Variants in TGFBRAP1 observed in about 807,000 individuals in gnomAD.
TGFBRAP1 encodes the protein transforming growth factor-beta receptor-associated protein 1.
Under a neutral mutation model 83.2 loss-of-function variants are expected in TGFBRAP1, and 20 were observed. The ratio of observed to expected loss-of-function variants is 0.24; its 90% confidence interval spans 0.17 to 0.35. TGFBRAP1 has a LOEUF of 0.35. Among genes scored for constraint, TGFBRAP1 ranks in the 10% least tolerant of loss-of-function variants. The pLI, the probability that TGFBRAP1 is intolerant of heterozygous loss-of-function variation, is 1.00. For synonymous variants in TGFBRAP1, 415 were observed against 459.8 expected (o/e 0.90, Z 1.25); for missense variants, 950 against 1,099.4 (o/e 0.86, Z 1.92).
downstream of TGFBRAP1, among the ~76,000 whole-genome samples, chr2:105,263,044 G>GAGTC (rs1676827067): frequency 6.6e-6 from 1 of 152,190 alleles, no homozygotes; most frequent in East Asian, 1.9e-4. Context: ...CCATTTAACT[G>GAGTC]AGTCAGACAC....
chr2:105,282,688 G>A (rs957843369), intron 5 of TGFBRAP1, among the ~76,000 whole-genome samples: 11 of 152,182 alleles, frequency 7.2e-5, no homozygotes, highest in East Asian at 1.9e-4. Context: ...GCCAGGTCCC[G>A]TGGTGGCATA....
At chr2:105,304,755 C>T (rs1414368072) in intron 2 of TGFBRAP1, among the ~76,000 whole-genome samples, 1 of 152,222 alleles carries the variant, frequency 6.6e-6, no homozygotes, top group Non-Finnish European at 1.5e-5. Flanking sequence ...TGCACTCCAG[C>T]CTGGGCGACA....
At chr2:105,316,760 G>T (rs575740067) in intron 1 of TGFBRAP1, among the ~76,000 whole-genome samples, 76 of 151,318 alleles carry the variant, frequency 5.0e-4, no homozygotes, top group African/African-American at 1.7e-3. Flanking sequence ...GTTGCAGTGA[G>T]CTGAGATTAT....
In TGFBRAP1 at chr2:105,279,228, C is replaced by T. The variant is rs183849968; in HGVS notation, c.1463+1154G>A. On this transcript the variant is annotated intron_variant, in intron 6 of 11. Coordinates refer to ENST00000393359, the MANE Select transcript of TGFBRAP1 (RefSeq NM_004257.6). Reference sequence around the variant, plus strand: ...CATTAACAGTCCATGATACATAAGGCCATCTACTAACTCATGCACATAAGG... The same window carrying T: ...CATTAACAGTCCATGATACATAAGGTCATCTACTAACTCATGCACATAAGG... 1.1e-4 allele frequency among the ~76,000 whole-genome samples: 17 copies of T among 152,236 alleles called. No individual in the cohort carries two copies. The East Asian group carries it at 3.3e-3, about 30-fold the overall frequency.
downstream of TGFBRAP1, among the ~76,000 whole-genome samples, chr2:105,263,643 C>T (rs968456462): frequency 2.0e-5 from 3 of 152,092 alleles, no homozygotes; most frequent in Non-Finnish European, 4.4e-5. Flanking sequence ...TTTAGGAGGC[C>T]AAGGCAGGTG....
downstream of TGFBRAP1, among the ~76,000 whole-genome samples, chr2:105,263,743 G>A (rs763216481): frequency 6.6e-6 from 1 of 152,030 alleles, no homozygotes; most frequent in Non-Finnish European, 1.5e-5. Context: ...AAATTAGCTG[G>A]GTGTGGTGGA....
chr2:105,307,585 G>A (rs1309440214), intron 2 of TGFBRAP1, 29 bp downstream of exon 2: 16 of 1,574,140 alleles, frequency 1.0e-5, no homozygotes, highest in Non-Finnish European at 1.3e-5. Context: ...CACCCAAAAA[G>A]ATCAGGCGCA....
rs1265557936 is a variant in TGFBRAP1 at position 105,273,694 on chromosome 2, A to T, written c.1666-4T>A. 1.9e-6 allele frequency: 3 copies of T among 1,613,956 alleles called. No individual in the cohort carries two copies. The highest frequency in any genetic ancestry group is 2.5e-6 in the Non-Finnish European group (3 of 1,179,942). On this transcript the variant is annotated splice_polypyrimidine_tract_variant and splice_region_variant and intron_variant, in intron 8 of 11. Coordinates refer to ENST00000393359, the MANE Select transcript of TGFBRAP1 (RefSeq NM_004257.6). ...TGGTGAAAACCTGAACTCCGACCTG[A>T]AAGAGGAGCGACAATACAGTGACTG...
At chr2:105,273,260 C>T (rs1573160499) in intron 9 of TGFBRAP1, among the ~76,000 whole-genome samples, 1 of 151,924 alleles carries the variant, frequency 6.6e-6, no homozygotes, top group East Asian at 1.9e-4. Flanking sequence ...AGATAACCTA[C>T]AAAAAGGTAT....
At chr2:105,320,453 T>C (rs777910406) in intron 1 of TGFBRAP1, among the ~76,000 whole-genome samples, 1 of 152,080 alleles carries the variant, frequency 6.6e-6, no homozygotes, top group African/African-American at 2.4e-5. Flanking sequence ...CAAGTGGTCA[T>C]TCTAACATTT....
chr2:105,258,159 G>A, the TGFBRAP1 span, among the ~76,000 whole-genome samples: 1 of 152,296 alleles, frequency 6.6e-6, no homozygotes, highest in East Asian at 1.9e-4. Context: ...CACTGCTGCT[G>A]AGGCTCTGCC....
Position 105,296,035 on chromosome 2 carries a change from T to C in TGFBRAP1, c.1038+321A>G, listed in dbSNP as rs183858513. 1.1e-3 allele frequency among the ~76,000 whole-genome samples: 160 copies of C among 152,300 alleles called. 1 individual carries two copies. Among genetic ancestry groups the C allele is most frequent in the African/African-American group, 3.6e-3 (150 of 41,564 alleles). On this transcript the variant is annotated intron_variant, in intron 4 of 11. Transcript: ENST00000393359. ...CTTTTGCTTTATAAGAACTATGTTA[T>C]TGATCCTTCTCTGAAGGTCCACGGA...
intron 1 of TGFBRAP1, among the ~76,000 whole-genome samples, chr2:105,310,686 T>A (rs533955226): frequency 1.3e-5 from 2 of 152,294 alleles, no homozygotes; most frequent in Admixed American, 1.3e-4. Flanking sequence ...AACAACATCA[T>A]GTATTTGTCC....
chr2:105,252,956 G>A, the TGFBRAP1 span, among the ~76,000 whole-genome samples: 6 of 151,648 alleles, frequency 4.0e-5, no homozygotes, highest in African/African-American at 9.7e-5. Context: ...GGGTTTCACC[G>A]TGTTAGCCAG....
chr2:105,264,771 A>C lies in TGFBRAP1; in HGVS notation c.*2612T>G, dbSNP rs1676865181. 1 of 152,256 alleles carries C rather than the reference A, an allele frequency of 6.6e-6. No individual in the cohort carries two copies. The highest frequency in any genetic ancestry group is 1.5e-5 in the Non-Finnish European group (1 of 68,046). 9.4% of individuals were successfully genotyped at this position (152,256 alleles called of 1,614,324 possible). On this transcript the variant is annotated 3_prime_UTR_variant, in exon 12 of 12. Coordinates refer to ENST00000393359, the MANE Select transcript of TGFBRAP1 (RefSeq NM_004257.6). ...AATACTTGATAGGGAACAGCAGATA[A>C]ACAGTTCCAAAAACCAAATGGTATT...
the TGFBRAP1 span, among the ~76,000 whole-genome samples, chr2:105,258,947 C>G: frequency 6.6e-6 from 1 of 152,356 alleles, no homozygotes; most frequent in Non-Finnish European, 1.5e-5. Flanking sequence ...GAAAATTACA[C>G]CAGTAGGCGC....
At chr2:105,304,606 A>T (rs1678429688) in intron 2 of TGFBRAP1, among the ~76,000 whole-genome samples, 1 of 152,224 alleles carries the variant, frequency 6.6e-6, no homozygotes, top group African/African-American at 2.4e-5. Flanking sequence ...AACATGGTGA[A>T]ACCCCATCTC....
chr2:105,284,352 G>T lies in TGFBRAP1; in HGVS notation c.1085C>A (p.Ala362Glu). ...TTTAGCTTCCAGGAACTGAAGTTGT[G>T]CAAACTGTATAAATCCCGCCTGCTG... is the stretch of plus-strand genomic sequence containing the variant. ...ILQQAGFIQF[A>E]QLQFLEAKEL... The change falls in exon 5 of 12, where the codon GCA becomes GAA. Residue 362 changes from alanine to glutamate, a missense_variant. Coordinates refer to ENST00000393359, the MANE Select transcript of TGFBRAP1 (RefSeq NM_004257.6). 6.2e-7 allele frequency: 1 copy of T among 1,614,008 alleles called. No homozygotes were observed. The highest frequency in any genetic ancestry group is 8.5e-7 in the Non-Finnish European group (1 of 1,179,932).
intron 1 of TGFBRAP1, among the ~76,000 whole-genome samples, chr2:105,312,173 T>G (rs1678716218): frequency 6.6e-6 from 1 of 152,056 alleles, no homozygotes; most frequent in South Asian, 2.1e-4. Flanking sequence ...AATTTAAACT[T>G]TTTGTTAGAA....
Sources: gnomAD v4.1 joint callset for allele counts (sites outside exome capture counted in the v4.1 genomes callset) on GRCh38, gnomAD v4.1.1 for gene constraint, MANE v1.5 for transcripts, NCBI Gene and HGNC (gene_info 2026-07-23, HGNC 2026-07-21) for gene names.